The following IKZF3 variants were observed in gnomAD, a reference collection of about 807,000 sequenced individuals.
The protein encoded by IKZF3 is IKAROS family zinc finger 3.
Under a neutral mutation model 49.0 loss-of-function variants are expected in IKZF3, and 10 were observed. That is an observed-to-expected ratio of 0.20 (90% CI 0.13 to 0.35). The LOEUF is 0.35. Among genes scored for constraint, IKZF3 ranks in the 10% least tolerant of loss-of-function variants. IKZF3 has a pLI of 1.00. For missense variants in IKZF3, 498 were observed against 664.8 expected (o/e 0.75, Z 2.76); for synonymous variants, 209 against 228.2 (o/e 0.92, Z 0.76).
In IKZF3 at chr17:39,788,293, C is replaced by G. The variant is rs778371145; in HGVS notation, c.674G>C (p.Arg225Pro). ...TGGGTCAGTGCTCTGAAGAAATGTA[C>G]GGCAGCGCTCCTTGTGCTCCTCAAG... ...SSLEEHKERC[R>P]TFLQSTDPGD... The change falls in exon 6 of 8, where the codon CGT becomes CCT. Residue 225 changes from arginine (R) to proline (P), a missense_variant. Arg to Pro is a moderately radical substitution (Grantham distance 103). This residue lies in a region of IKZF3 where 317 missense variants were observed against 397.3 expected (regional missense o/e 0.80). Coordinates refer to ENST00000346872, the MANE Select transcript of IKZF3 (RefSeq NM_012481.5). The G allele has an allele frequency of 2.5e-6, 4 of 1,613,400 alleles. No homozygotes were observed. The highest frequency in any genetic ancestry group is 3.4e-6 in the Non-Finnish European group (4 of 1,179,550).
intron 2 of IKZF3, 40 bp downstream of exon 2, chr17:39,832,058 A>T: frequency 6.9e-7 from 1 of 1,447,218 alleles, no homozygotes; most frequent in African/African-American, 1.4e-5. Context: ...TATTTTTTTT[A>T]GTAAAGGTAT....
intron 3 of IKZF3, among the ~76,000 whole-genome samples, chr17:39,819,839 A>AT (rs1244246781): frequency 3.8e-4 from 57 of 149,724 alleles, no homozygotes; most frequent in Admixed American, 9.3e-4. Flanking sequence ...TTAAAAAAAA[A>AT]TTTTTTTTTT....
chr17:39,849,946 A>G (rs545824252), intron 1 of IKZF3, among the ~76,000 whole-genome samples: 121 of 151,164 alleles, frequency 8.0e-4, no homozygotes, highest in Middle Eastern at 6.8e-3. Flanking sequence ...ACCACTTTGG[A>G]AACTCTTTGG....
chr17:39,842,466 T>C (rs1169925031), intron 1 of IKZF3, among the ~76,000 whole-genome samples: 2 of 152,198 alleles, frequency 1.3e-5, no homozygotes, highest in Non-Finnish European at 2.9e-5. Context: ...CGGGAACATT[T>C]TGCTGTGCCA....
chr17:39,798,365 G>C (rs1453793338), intron 3 of IKZF3, among the ~76,000 whole-genome samples: 1 of 152,210 alleles, frequency 6.6e-6, no homozygotes, highest in African/African-American at 2.4e-5. Context: ...GGCCTTTCGG[G>C]ATCTGGCCCC....
intron 1 of IKZF3, among the ~76,000 whole-genome samples, chr17:39,849,151 T>C (rs1034980043): frequency 5.9e-5 from 9 of 152,256 alleles, no homozygotes; most frequent in African/African-American, 1.9e-4. Flanking sequence ...TACACATTAC[T>C]GGCTGGGTGC....
intron 1 of IKZF3, among the ~76,000 whole-genome samples, chr17:39,858,220 A>G (rs2063120796): frequency 6.6e-6 from 1 of 152,112 alleles, no homozygotes; most frequent in Non-Finnish European, 1.5e-5. Flanking sequence ...GCACTTTGGG[A>G]GGCCAAGGCA....
chr17:39,765,798 G>A lies in IKZF3; in HGVS notation c.1522C>T (p.Leu508=). The stretch of plus-strand genomic sequence containing the variant: ...TCCCTGAGACCAGATATTCACTTCA[G>A]CAGGGCTCTGTGTTCTCCTCTGGCT... ...HIARGEHRAL[L]K is the part of the protein sequence containing the mutation. The change falls in exon 8 of 8, where the codon CTG becomes TTG. Residue 508 remains leucine (L), a synonymous_variant. Transcript: ENST00000346872. 2 of 1,598,212 alleles carry A rather than the reference G, an allele frequency of 1.3e-6. No individual in the cohort carries two copies. The highest frequency in any genetic ancestry group is 8.6e-7 in the Non-Finnish European group (1 of 1,168,002).
intron 6 of IKZF3, chr17:39,778,309 C>A (rs2060641738): frequency 2.8e-6 from 1 of 351,710 alleles, no homozygotes; most frequent in Non-Finnish European, 3.9e-6. Flanking sequence ...TTTTCTTTTT[C>A]TTTTTTTTTT....
At chr17:39,832,014 T>G in intron 2 of IKZF3, 84 bp downstream of exon 2, 1 of 1,002,168 alleles carries the variant, frequency 1.0e-6, no homozygotes, top group Non-Finnish European at 1.5e-6. Flanking sequence ...GCATTTTTAC[T>G]GCAACCAGAA....
At chr17:39,778,964 C>G (rs2060659970) in intron 6 of IKZF3, among the ~76,000 whole-genome samples, 1 of 152,218 alleles carries the variant, frequency 6.6e-6, no homozygotes, top group African/African-American at 2.4e-5. Context: ...GGCCCCCCTT[C>G]AGATCAATTA....
At chr17:39,808,174 G>A (rs943277767) in intron 3 of IKZF3, among the ~76,000 whole-genome samples, 5 of 152,198 alleles carry the variant, frequency 3.3e-5, no homozygotes, top group African/African-American at 1.2e-4. Context: ...ATCATGGTAA[G>A]TATAGTTTCT....
chr17:39,792,904 T>C lies in IKZF3; in HGVS notation c.193A>G (p.Ser65Gly), dbSNP rs762885347. Reference protein sequence around the residue: ...DDSMKVKDEYSERDENVLKSE... With the variant: ...DDSMKVKDEYGERDENVLKSE... ...TTTAAAACATTCTCATCTCTTTCAC[T>C]GTATTCATCTTTCACTTTCATTGAA... The change falls in exon 4 of 8, where the codon AGT becomes GGT. Residue 65 changes from serine (S) to glycine (G), a missense_variant. Ser to Gly is a moderately conservative substitution (Grantham distance 56, BLOSUM62 0). Transcript: ENST00000346872. 1.2e-6 allele frequency: 2 copies of C among 1,613,838 alleles called. No homozygotes were observed. The highest frequency in any genetic ancestry group is 1.3e-5 in the African/African-American group (1 of 75,010).
At chr17:39,829,887 G>T (rs1489456745) in intron 2 of IKZF3, among the ~76,000 whole-genome samples, 1 of 152,078 alleles carries the variant, frequency 6.6e-6, no homozygotes, top group African/African-American at 2.4e-5. Flanking sequence ...GGGAGGTGGA[G>T]GTTGCAGTGA....
chr17:39,826,183 C>T (rs890507050), intron 3 of IKZF3, among the ~76,000 whole-genome samples: 2 of 152,216 alleles, frequency 1.3e-5, no homozygotes, highest in African/African-American at 2.4e-5. Flanking sequence ...GCTGGGACCA[C>T]AGGCATATGC....
At position 39,765,923 on chromosome 17, in the gene IKZF3, A is replaced by G. The variant is rs1418541244; in HGVS notation, c.1397T>C (p.Met466Thr). 1 of 1,614,252 alleles carries G rather than the reference A, an allele frequency of 6.2e-7. No individual in the cohort carries two copies. ...GTGGCAGCCCATGTGAATCGTGAACATCACATAGTCCAGGAAGAGGACGCG... is the reference window on the plus strand; with the variant it reads ...GTGGCAGCCCATGTGAATCGTGAACGTCACATAGTCCAGGAAGAGGACGCG... ...HCRVLFLDYV[M>T]FTIHMGCHGF... Residue 466 changes from methionine (M) to threonine (T), a missense_variant, in exon 8 of 8, where the codon ATG becomes ACG. This residue lies in a region of IKZF3 where 317 missense variants were observed against 397.3 expected (regional missense o/e 0.80). Transcript: ENST00000346872.
At chr17:39,790,329 AC>A (rs1372221849) in intron 5 of IKZF3, among the ~76,000 whole-genome samples, 5 of 151,296 alleles carry the variant, frequency 3.3e-5, no homozygotes, top group Admixed American at 2.6e-4. Flanking sequence ...GAAAAAGGCA[AC>A]AGTAGAGAAC....
At chr17:39,835,939 C>A (rs1490579448) in intron 1 of IKZF3, 2 of 653,170 alleles carry the variant, frequency 3.1e-6, no homozygotes, top group East Asian at 6.8e-5. Flanking sequence ...TTCAGCTTCT[C>A]CTGGCCTAGA....
chr17:39,861,968 A>C (rs530554237), intron 1 of IKZF3, among the ~76,000 whole-genome samples: 2 of 152,152 alleles, frequency 1.3e-5, no homozygotes, highest in Non-Finnish European at 2.9e-5. Context: ...TTAAATAAGA[A>C]GTCTGCCATT....
Sources: gnomAD v4.1 joint callset for allele counts (sites outside exome capture counted in the v4.1 genomes callset) on GRCh38, gnomAD v4.1.1 for gene constraint, gnomAD v4.1.1 regional missense constraint, MANE v1.5 for transcripts, NCBI Gene and HGNC (gene_info 2026-07-23, HGNC 2026-07-21) for gene names.